Variants in ANKRD31 observed in about 807,000 individuals in gnomAD.
ANKRD31 encodes the protein ankyrin repeat domain 31.
ANKRD31 carries 147 observed loss-of-function variants against 186.0 expected under a neutral mutation model. The ratio of observed to expected loss-of-function variants is 0.79; its 90% CI spans 0.69 to 0.91. The LOEUF (loss-of-function observed/expected upper bound fraction) is 0.91, where lower values mean the gene tolerates loss of function less well. ANKRD31 is among the 40% of genes least tolerant of loss of function. ANKRD31 has a pLI of 0.00. For missense variants in ANKRD31, 1,986 were observed against 2,148.8 expected (o/e 0.92, Z 1.50); for synonymous variants, 673 against 736.4 (o/e 0.91, Z 1.39).
intron 10 of ANKRD31, among the ~76,000 whole-genome samples, chr5:75,169,682 G>A (rs544918593): frequency 3.3e-4 from 50 of 152,274 alleles, no homozygotes; most frequent in African/African-American, 1.2e-3. Context: ...ATAAGTTACA[G>A]ATATTTATTA....
chr5:75,093,785 A>G (rs1445940681), intron 22 of ANKRD31, among the ~76,000 whole-genome samples: 1 of 152,212 alleles, frequency 6.6e-6, no homozygotes, highest in African/African-American at 2.4e-5. Context: ...AGAATCCTAT[A>G]TCTAGGAAAA....
At chr5:75,154,385 G>A in intron 11 of ANKRD31, 40 bp from the exon 12 acceptor site, 9 of 1,488,874 alleles carry the variant, frequency 6.0e-6, no homozygotes, top group Non-Finnish European at 7.1e-6. Context: ...CCAGATTGAG[G>A]GTGTATTACT....
intron 3 of ANKRD31, among the ~76,000 whole-genome samples, chr5:75,219,567 G>A (rs751256572): frequency 3.9e-5 from 6 of 152,122 alleles, no homozygotes; most frequent in Non-Finnish European, 5.9e-5. Flanking sequence ...ACTCAATATC[G>A]TTAAAATGGG....
rs540752991 is a variant in ANKRD31 at position 75,077,028 on chromosome 5, G to C, written c.5647+3540C>G. Among the ~76,000 whole-genome samples the C allele has an allele frequency of 3.1e-4, 47 of 152,086 alleles. 1 individual carries two copies. Among genetic ancestry groups the C allele is most frequent in the African/African-American group, 1.1e-3 (44 of 41,464 alleles). Reference sequence around the variant, plus strand: ...TCAATGCCTTTTTTAAAAATAAAAGGATCCTAAAAGCTAAATATGGTGATG... The same window carrying C: ...TCAATGCCTTTTTTAAAAATAAAAGCATCCTAAAAGCTAAATATGGTGATG... On this transcript the variant is annotated intron_variant, in intron 25 of 25. Transcript: ENST00000506364.
At chr5:75,115,942 A>G (rs1748203651) in intron 19 of ANKRD31, among the ~76,000 whole-genome samples, 1 of 152,150 alleles carries the variant, frequency 6.6e-6, no homozygotes, top group Non-Finnish European at 1.5e-5. Flanking sequence ...TCATGCTGCT[A>G]TAAAGACACA....
rs534487968 is a variant in ANKRD31, at chr5:75,131,631, C to T, written c.3876+6225G>A. ...TGGCAGAAACTTCGGCAGACTTAAA[C>T]GTCCCTGTCTGACAGCTTTGAAGAG... On this transcript the variant is annotated intron_variant, in intron 17 of 25. Coordinates refer to ENST00000506364, the MANE Select transcript of ANKRD31 (RefSeq NM_001372053.1). 9.2e-5 allele frequency among the ~76,000 whole-genome samples: 14 copies of T among 152,336 alleles called. 2 individuals carry two copies. The highest frequency in any genetic ancestry group is 2.9e-4 in the African/African-American group (12 of 41,586).
intron 22 of ANKRD31, among the ~76,000 whole-genome samples, chr5:75,098,499 T>C (rs912672123): frequency 2.6e-5 from 4 of 152,286 alleles, no homozygotes; most frequent in Admixed American, 6.5e-5. Flanking sequence ...GGGATGGCAT[T>C]GAATCTATAA....
intron 3 of ANKRD31, among the ~76,000 whole-genome samples, chr5:75,219,603 T>C (rs1757163808): frequency 6.6e-6 from 1 of 150,902 alleles, no homozygotes; most frequent in Non-Finnish European, 1.5e-5. Context: ...AATTTACAGA[T>C]ACAATGCTAT....
At chr5:75,172,830 C>A (rs1753451984) in intron 10 of ANKRD31, among the ~76,000 whole-genome samples, 3 of 152,184 alleles carry the variant, frequency 2.0e-5, no homozygotes, top group Admixed American at 1.3e-4. Flanking sequence ...TGGTACCATT[C>A]CTTCTGAAAC....
chr5:75,131,168 C>A (rs896384480), intron 17 of ANKRD31, among the ~76,000 whole-genome samples: 7 of 152,148 alleles, frequency 4.6e-5, no homozygotes, highest in Non-Finnish European at 8.8e-5. Context: ...TCCCTCCACA[C>A]CTCCCCATGA....
chr5:75,222,580 G>A (rs1016318455), intron 2 of ANKRD31, among the ~76,000 whole-genome samples: 1 of 151,656 alleles, frequency 6.6e-6, no homozygotes, highest in Non-Finnish European at 1.5e-5. Context: ...CTATTGATGC[G>A]TCCTCTAAGT....
rs76993354 is a variant in ANKRD31, at chr5:75,155,163, A to T, written c.1708-818T>A. On this transcript the variant is annotated intron_variant, in intron 11 of 25. Transcript: ENST00000506364. ...AAGGCTCAGACAAAAATACAATGCAAAATAAGTTTCCCTCCTCTACCCCTG... is the reference window on the plus strand; with the variant it reads ...AAGGCTCAGACAAAAATACAATGCATAATAAGTTTCCCTCCTCTACCCCTG... Among the ~76,000 whole-genome samples the T allele has an allele frequency of 2.4e-3, 367 of 152,192 alleles. 8 individuals carry two copies. The East Asian group carries it at 0.062, about 26-fold the overall frequency.
intron 24 of ANKRD31, among the ~76,000 whole-genome samples, chr5:75,083,508 C>A (rs1347216575): frequency 1.3e-5 from 2 of 152,150 alleles, no homozygotes; most frequent in Non-Finnish European, 2.9e-5. Flanking sequence ...GCGGGCAGAT[C>A]ACCTGAGGTC....
chr5:75,148,212 A>G (rs978566572), intron 13 of ANKRD31, among the ~76,000 whole-genome samples: 2 of 151,890 alleles, frequency 1.3e-5, no homozygotes, highest in Admixed American at 1.3e-4. Context: ...TCTCATTCAC[A>G]CAACTCAAGT....
In ANKRD31 at chr5:75,195,921, C is replaced by T; in HGVS notation, c.727G>A (p.Val243Ile). Reference protein sequence around the residue: ...STQEERLFELVSDFDRKELMN... With the variant: ...STQEERLFELISDFDRKELMN... ...AATTCTTTACGATCAAAATCACTTA[C>T]TAATTCAAACAATCTTTCCTCCTGG... The change falls in exon 7 of 26, where the codon GTA (valine) becomes ATA (isoleucine). Residue 243 changes from valine to isoleucine, a missense_variant. By Grantham distance (29) the Val-to-Ile change is conservative. Coordinates refer to ENST00000506364, the MANE Select transcript of ANKRD31 (RefSeq NM_001372053.1). The T allele has an allele frequency of 6.5e-7, 1 of 1,535,782 alleles. No individual in the cohort carries two copies. The highest frequency in any genetic ancestry group is 8.7e-7 in the Non-Finnish European group (1 of 1,145,968).
intron 25 of ANKRD31, among the ~76,000 whole-genome samples, chr5:75,074,106 T>A (rs923883449): frequency 6.6e-6 from 1 of 152,138 alleles, no homozygotes; most frequent in Non-Finnish European, 1.5e-5. Flanking sequence ...CATAGGACTT[T>A]AGGAAATTAC....
At chr5:75,163,716 AT>A (rs1183918941) in intron 11 of ANKRD31, among the ~76,000 whole-genome samples, 1 of 152,180 alleles carries the variant, frequency 6.6e-6, no homozygotes, top group Admixed American at 6.6e-5. Flanking sequence ...AAGTCAGCTG[AT>A]TCTAGAGGGA....
Position 75,084,333 on chromosome 5 carries a change from C to T in ANKRD31, c.5514G>A (p.Glu1838=), listed in dbSNP as rs750457345. The T allele has an allele frequency of 1.6e-5, 24 of 1,536,974 alleles. No individual in the cohort carries two copies. In the South Asian group the frequency reaches 2.5e-4, roughly 16 times the overall value. The change falls in exon 24 of 26, where the codon GAG becomes GAA. Residue 1838 remains glutamate, a synonymous_variant. Transcript: ENST00000506364. ...LGKELLRYVS[E]DAPILPEPNS... is the part of the protein sequence containing the mutation. The stretch of plus-strand genomic sequence containing the variant: ...TTGGTTCTGGAAGTATGGGTGCATC[C>T]TCAGAAACATACCTTAAAAGCTCCT...
At chr5:75,105,308 A>G in intron 21 of ANKRD31, 90 bp from the exon 22 acceptor site, 1 of 1,307,022 alleles carries the variant, frequency 7.7e-7, no homozygotes, top group Non-Finnish European at 1.0e-6. Flanking sequence ...CTTTGTCTCC[A>G]AATTTTAATC....
Sources: gnomAD v4.1 joint callset for allele counts (sites outside exome capture counted in the v4.1 genomes callset) on GRCh38, gnomAD v4.1.1 for gene constraint, MANE v1.5 for transcripts, NCBI Gene and HGNC (gene_info 2026-07-23, HGNC 2026-07-21) for gene names.